CACNA1C: variants seen among roughly 807,000 people sequenced by gnomAD.
CACNA1C encodes the protein voltage-dependent L-type calcium channel subunit alpha-1C.
A neutral mutation model predicts 229.0 loss-of-function variants in CACNA1C; 30 were observed. The observed-to-expected ratio is 0.13, with a 90% CI of 0.10 to 0.18. The LOEUF is 0.18. Among genes scored for constraint, CACNA1C ranks in the 10% least tolerant of loss-of-function variants. The pLI is 1.00. For missense variants in CACNA1C, 1,658 were observed against 2,845.0 expected (o/e 0.58, Z 9.49); for synonymous variants, 1,114 against 1,132.5 (o/e 0.98, Z 0.33).
chr12:2,103,710 G>A (rs2077221260), intron 1 of CACNA1C, among the ~76,000 whole-genome samples: 1 of 152,188 alleles, frequency 6.6e-6, no homozygotes, highest in South Asian at 2.1e-4. Context: ...ACGGTTTTAG[G>A]TCTTAAGTTT....
chr12:2,440,313 A>G (rs1168244556), intron 3 of CACNA1C, among the ~76,000 whole-genome samples: 1 of 152,092 alleles, frequency 6.6e-6, no homozygotes, highest in Non-Finnish European at 1.5e-5. Flanking sequence ...GTAACCCGTA[A>G]TCTACTGTGT....
At chr12:2,524,666 C>T (rs965229578) in intron 9 of CACNA1C, among the ~76,000 whole-genome samples, 1 of 152,346 alleles carries the variant, frequency 6.6e-6, no homozygotes, top group East Asian at 1.9e-4. Context: ...GCTTTGCCAC[C>T]CCCGGGGCCT....
intron 1 of CACNA1C, among the ~76,000 whole-genome samples, chr12:2,104,318 T>C (rs1595920452): frequency 6.6e-6 from 1 of 152,292 alleles, no homozygotes; most frequent in South Asian, 2.1e-4. Context: ...TCCTAGGTAT[T>C]TTATTCTCTT....
intron 3 of CACNA1C, among the ~76,000 whole-genome samples, chr12:2,165,727 ATG>A (rs749632791): frequency 6.6e-6 from 1 of 151,524 alleles, no homozygotes; most frequent in Non-Finnish European, 1.5e-5. Context: ...CAGAGTCCAT[ATG>A]TGTGTGTGTG....
chr12:2,099,674 C>G (rs1565672567), intron 1 of CACNA1C, among the ~76,000 whole-genome samples: 1 of 152,102 alleles, frequency 6.6e-6, no homozygotes, highest in Non-Finnish European at 1.5e-5. Context: ...ATACCTAGTA[C>G]CATTTATTAT....
intron 3 of CACNA1C, among the ~76,000 whole-genome samples, chr12:2,334,906 T>C (rs1198685744): frequency 6.6e-6 from 1 of 152,180 alleles, no homozygotes; most frequent in Non-Finnish European, 1.5e-5. Context: ...GATAAGACCG[T>C]AACGCCTTTC....
At chr12:2,200,061 C>T (rs1472201295) in intron 3 of CACNA1C, among the ~76,000 whole-genome samples, 1 of 152,104 alleles carries the variant, frequency 6.6e-6, no homozygotes, top group East Asian at 1.9e-4. Context: ...TGTTCTCTGC[C>T]GTATCCTTAG....
chr12:2,053,020 C>T lies in CACNA1C; in HGVS notation c.-543C>T. 1 of 984,396 alleles carries T rather than the reference C, an allele frequency of 1.0e-6. No homozygotes were observed. 61.0% of individuals were successfully genotyped at this position (984,396 alleles called of 1,614,324 possible). Reference sequence around the variant, plus strand: ...CTCGCTGCCTCTGCAGAAACAGCTCCTGCCAGAGCGGCGCTCGGCGCGGCG... The same window carrying T: ...CTCGCTGCCTCTGCAGAAACAGCTCTTGCCAGAGCGGCGCTCGGCGCGGCG... On this transcript the variant is annotated 5_prime_UTR_variant, in exon 1 of 47. Coordinates refer to ENST00000399655, the MANE Select transcript of CACNA1C (RefSeq NM_000719.7). The surrounding 1 kb of genome is among the most constrained non-coding windows in gnomAD (Gnocchi z 5.8).
Position 2,633,810 on chromosome 12 carries a change from A to G in CACNA1C, c.3829-487A>G. Reference sequence around the variant, plus strand: ...TCACTCTCTCTGTTTACCTTCTTTTATGTTTTTTTTAATTTCCTGTTTTTA... The same window carrying G: ...TCACTCTCTCTGTTTACCTTCTTTTGTGTTTTTTTTAATTTCCTGTTTTTA... On this transcript the variant is annotated intron_variant, in intron 29 of 46. Coordinates refer to ENST00000399655, the MANE Select transcript of CACNA1C (RefSeq NM_000719.7). This position sits in a 1 kb window ranked among gnomAD's most constrained non-coding sequence, Gnocchi z 5.8. 1 of 722,682 alleles carries G rather than the reference A, an allele frequency of 1.4e-6. No individual in the cohort carries two copies. Among genetic ancestry groups the G allele is most frequent in the South Asian group, 1.8e-5 (1 of 56,992 alleles). The allele number at this position is 722,682 out of a possible 1,614,324, so 44.8% of individuals were successfully genotyped here.
At chr12:2,405,940 A>G (rs887091530) in intron 3 of CACNA1C, among the ~76,000 whole-genome samples, 1 of 152,190 alleles carries the variant, frequency 6.6e-6, no homozygotes, top group African/African-American at 2.4e-5. Flanking sequence ...CTTTTAGTGT[A>G]GGTCTGTTGG....
intron 30 of CACNA1C, 65 bp from the exon 31 acceptor site, chr12:2,648,410 C>G: frequency 6.8e-7 from 1 of 1,478,278 alleles, no homozygotes; most frequent in South Asian, 1.1e-5. Context: ...CAGCCAAGAC[C>G]TAGAATACCG....
chr12:2,389,932 C>G (rs1441016200), intron 3 of CACNA1C, among the ~76,000 whole-genome samples: 1 of 152,132 alleles, frequency 6.6e-6, no homozygotes, highest in Non-Finnish European at 1.5e-5. Context: ...TCAGAGTGCA[C>G]AGGAGGCTGC....
At chr12:2,312,990 T>G (rs2095513230) in intron 3 of CACNA1C, among the ~76,000 whole-genome samples, 1 of 152,178 alleles carries the variant, frequency 6.6e-6, no homozygotes, top group Non-Finnish European at 1.5e-5. Context: ...TTCCCTAGCT[T>G]TGGGTGTGTC....
chr12:2,398,174 G>A (rs1178331895), intron 3 of CACNA1C, among the ~76,000 whole-genome samples: 1 of 152,196 alleles, frequency 6.6e-6, no homozygotes, highest in Non-Finnish European at 1.5e-5. Context: ...GCCATTATTT[G>A]CATTTTCTGA....
At chr12:2,558,446 GC>G (rs2045716116) in intron 11 of CACNA1C, among the ~76,000 whole-genome samples, 1 of 152,156 alleles carries the variant, frequency 6.6e-6, no homozygotes, top group African/African-American at 2.4e-5. Flanking sequence ...AGTTCTGTTG[GC>G]CCACTGACTT....
At chr12:2,097,397 C>G (rs527896485) in intron 1 of CACNA1C, among the ~76,000 whole-genome samples, 1 of 152,062 alleles carries the variant, frequency 6.6e-6, no homozygotes, top group Non-Finnish European at 1.5e-5. Flanking sequence ...CCGCCCGCCT[C>G]GACCTCCCAA....
At chr12:2,578,514 T>TG (rs1409450256) in intron 13 of CACNA1C, among the ~76,000 whole-genome samples, 1 of 152,152 alleles carries the variant, frequency 6.6e-6, no homozygotes, top group Non-Finnish European at 1.5e-5. Context: ...CCGCTGCTGC[T>TG]GCAGCTTGGA....
At chr12:1,975,147 C>T (rs2033927783) in intron 1 of CACNA1C, among the ~76,000 whole-genome samples, 1 of 152,046 alleles carries the variant, frequency 6.6e-6, no homozygotes, top group African/African-American at 2.4e-5. Context: ...TTCATTTTTA[C>T]CTTAATCTGT....
intron 1 of CACNA1C, among the ~76,000 whole-genome samples, chr12:2,068,901 G>A (rs144461677): frequency 5.3e-4 from 81 of 152,348 alleles, no homozygotes; most frequent in Admixed American, 7.8e-4. Context: ...AAACTTAGGC[G>A]GAATGCAATG....
Sources: allele counts gnomAD v4.1 joint callset (sites outside exome capture counted in the v4.1 genomes callset), GRCh38; gene constraint gnomAD v4.1.1; non-coding constraint Gnocchi (gnomAD v3.1); transcripts MANE v1.5; gene names NCBI Gene and HGNC (gene_info 2026-07-23, HGNC 2026-07-21).